METTL3: variants seen among roughly 807,000 people sequenced by gnomAD.
METTL3 encodes methyltransferase 3, N6-adenosine-methyltransferase complex catalytic subunit.
METTL3 carries 42 observed loss-of-function variants against 64.3 expected under a neutral mutation model. That is an observed-to-expected ratio of 0.65 (90% CI 0.51 to 0.84). METTL3 has a LOEUF of 0.84. Ranked by LOEUF, METTL3 falls within the 40% of genes least tolerant of loss-of-function variation. The pLI is 0.00. For synonymous variants in METTL3, 256 were observed against 263.6 expected, an observed-to-expected ratio of 0.97 and a Z score of 0.28; for missense variants, 435 against 722.3, an observed-to-expected ratio of 0.60 and a Z score of 4.56.
intron 1 of METTL3, 43 bp from the exon 2 acceptor site, chr14:21,503,924 T>C: frequency 1.3e-6 from 2 of 1,570,656 alleles, no homozygotes; most frequent in Non-Finnish European, 1.7e-6. Context: ...GCAACCACTG[T>C]TGGTCTATAT....
intron 4 of METTL3, chr14:21,501,503 AGAGG>A (rs1891566861): frequency 3.3e-6 from 2 of 599,972 alleles, no homozygotes; most frequent in Non-Finnish European, 2.9e-6. Flanking sequence ...TGCTATTCTA[AGAGG>A]GAGGGAGCTT....
At chr14:21,500,889 C>G (rs751843177) in intron 5 of METTL3, 24 bp downstream of exon 5, 2 of 1,601,928 alleles carry the variant, frequency 1.2e-6, no homozygotes, top group Middle Eastern at 1.7e-4. Flanking sequence ...TAAGTTGAGA[C>G]GAGTTTTCTG....
rs1156983871 is a variant in METTL3 at position 21,500,485 on chromosome 14, A to G, written c.1304+10T>C. On this transcript the variant is annotated intron_variant, in intron 6 of 10. Coordinates refer to ENST00000298717, the MANE Select transcript of METTL3 (RefSeq NM_019852.5). ...TATCTGTCCATACCTACGTAACTGAATTGCATTACCTGCCTGTGACCCAGA... is the reference window on the plus strand; with the variant it reads ...TATCTGTCCATACCTACGTAACTGAGTTGCATTACCTGCCTGTGACCCAGA... 16 of 1,614,018 alleles carry G rather than the reference A, an allele frequency of 9.9e-6. No individual in the cohort carries two copies. The highest frequency in any genetic ancestry group is 1.4e-5 in the Non-Finnish European group (16 of 1,179,884).
Position 21,503,266 on chromosome 14 carries a change from G to GGCT in METTL3, c.627_629dup (p.Ala210dup). ...AGGCAGCATGTTTCCTTGATTTCTT[G>GGCT]GCTGGCTCCTTTGCTGGTTCCGATG... On this transcript the variant is annotated inframe_insertion, in exon 3 of 11. Coordinates refer to ENST00000298717, the MANE Select transcript of METTL3 (RefSeq NM_019852.5). 6.2e-7 allele frequency: 1 copy of GGCT among 1,614,136 alleles called. No homozygotes were observed. The highest frequency in any genetic ancestry group is 1.1e-5 in the South Asian group (1 of 91,074).
chr14:21,503,561 G>C lies in METTL3; in HGVS notation c.335C>G (p.Thr112Ser). The C allele has an allele frequency of 1.2e-6, 2 of 1,612,860 alleles. No homozygotes were observed. Among genetic ancestry groups the C allele is most frequent in the Non-Finnish European group, 1.7e-6 (2 of 1,179,750 alleles). ...CAGGAGGCTTTCTACCCCATCTTGA[G>C]TGGCAGGAGCATCTGGCTAGAGAAC... is the stretch of plus-strand genomic sequence containing the variant. ...LAISTPDAPA[T>S]QDGVESLLQK... The change falls in exon 3 of 11, where the codon ACT (threonine) becomes AGT (serine). Residue 112 changes from threonine (T) to serine (S), a missense_variant. Physicochemically the swap from Thr to Ser is moderately conservative, Grantham distance 58. Coordinates refer to ENST00000298717, the MANE Select transcript of METTL3 (RefSeq NM_019852.5).
rs187413142 is a variant in METTL3 at position 21,504,286 on chromosome 14, G to T, written c.101-405C>A. 525 of 190,578 alleles carry T rather than the reference G, an allele frequency of 2.8e-3. 2 individuals carry two copies. The highest frequency in any genetic ancestry group is 4.6e-3 in the Non-Finnish European group (411 of 90,180). 11.8% of individuals were successfully genotyped at this position (190,578 alleles called of 1,614,324 possible). A position where few individuals can be genotyped will look rare whatever the true frequency, so the allele number is the denominator to read the frequency against. On this transcript the variant is annotated intron_variant, in intron 1 of 10. Transcript: ENST00000298717. ...TGAGGCATGTAGTGTGAATTTTAAT[G>T]AATTCAGGCCACTGATCAACAAAGT...
intron 4 of METTL3, 134 bp downstream of exon 4, chr14:21,501,594 C>T: frequency 9.2e-7 from 1 of 1,081,204 alleles, no homozygotes; most frequent in Non-Finnish European, 1.3e-6. Flanking sequence ...AGTACACCTT[C>T]AGGGTCTGGA....
chr14:21,503,618 G>A (rs755695945), intron 2 of METTL3, 41 bp from the exon 3 acceptor site: 14 of 1,613,376 alleles, frequency 8.7e-6, no homozygotes, highest in Middle Eastern at 1.6e-4. Flanking sequence ...GACACTGACC[G>A]TGAACTGAAA....
chr14:21,503,557 T>G lies in METTL3; in HGVS notation c.339A>C (p.Gln113His). The stretch of plus-strand genomic sequence containing the variant: ...TCTGCAGGAGGCTTTCTACCCCATC[T>G]TGAGTGGCAGGAGCATCTGGCTAGA... ...AISTPDAPATQDGVESLLQKF... is the reference protein window; with the variant it reads ...AISTPDAPATHDGVESLLQKF... The change falls in exon 3 of 11, where the codon CAA (glutamine) becomes CAC (histidine). Residue 113 changes from glutamine to histidine, a missense_variant. Physicochemically the swap from Gln to His is conservative, Grantham distance 24. This residue lies in a region of METTL3 where 228 missense variants were observed against 279.6 expected (regional missense o/e 0.82). Coordinates refer to ENST00000298717, the MANE Select transcript of METTL3 (RefSeq NM_019852.5). The G allele has an allele frequency of 6.2e-7, 1 of 1,612,872 alleles. No homozygotes were observed. The highest frequency in any genetic ancestry group is 8.5e-7 in the Non-Finnish European group (1 of 1,179,760).
chr14:21,498,549 C>T, intron 10 of METTL3, 180 bp from the exon 11 acceptor site: 1 of 633,906 alleles, frequency 1.6e-6, no homozygotes, highest in Non-Finnish European at 2.7e-6. Context: ...GGCATAGATT[C>T]TGGTGTTAAA....
rs931079388 is a variant in METTL3, at chr14:21,498,379, T to C, written c.1632-10A>G. Reference sequence around the variant, plus strand: ...GTTTCCAAGGGTGATCCTGAAACAGTGTAAAAGGAGGGGCAAACCAGAAAT... The same window carrying C: ...GTTTCCAAGGGTGATCCTGAAACAGCGTAAAAGGAGGGGCAAACCAGAAAT... On this transcript the variant is annotated splice_polypyrimidine_tract_variant and intron_variant, in intron 10 of 10. Transcript: ENST00000298717. The C allele has an allele frequency of 1.2e-6, 2 of 1,613,170 alleles. No individual in the cohort carries two copies. Among genetic ancestry groups the C allele is most frequent in the Admixed American group, 1.7e-5 (1 of 59,802 alleles).
chr14:21,508,687 G>T (rs1425269199), intron 1 of METTL3, among the ~76,000 whole-genome samples: 2 of 152,138 alleles, frequency 1.3e-5, no homozygotes, highest in African/African-American at 4.8e-5. Context: ...CAGAGGTTGG[G>T]AGTTTGAGAC....
intron 1 of METTL3, among the ~76,000 whole-genome samples, chr14:21,509,285 A>G (rs1053399849): frequency 2.0e-5 from 3 of 152,200 alleles, no homozygotes. Flanking sequence ...GGCAGCAGTG[A>G]GCCATGATCA....
At position 21,499,551 on chromosome 14, in the gene METTL3, G is replaced by A. The variant is rs752850121; in HGVS notation, c.1393C>T (p.Arg465Cys). ...CCTGTACGGCCTGTCCGAATGATGC[G>A]TTGCAGTTGATTTGTCTTCACCCAA... ...IIWVKTNQLQ[R>C]IIRTGRTGHW... The change falls in exon 8 of 11, where the codon CGC (arginine) becomes TGC (cysteine). Residue 465 changes from arginine (R) to cysteine (C), a missense_variant. Physicochemically the swap from Arg to Cys is radical, Grantham distance 180 (BLOSUM62 -3). This residue lies in a region of METTL3 where 36 missense variants were observed against 73.0 expected (regional missense o/e 0.49). Transcript: ENST00000298717. 6.8e-6 allele frequency: 11 copies of A among 1,614,180 alleles called. No homozygotes were observed. The highest frequency in any genetic ancestry group is 2.2e-5 in the East Asian group (1 of 44,894).
chr14:21,506,328 C>G (rs1013136198), intron 1 of METTL3, among the ~76,000 whole-genome samples: 5 of 151,530 alleles, frequency 3.3e-5, no homozygotes. Context: ...CAGAGGCGGG[C>G]AGATCACGAG....
intron 1 of METTL3, among the ~76,000 whole-genome samples, chr14:21,506,229 C>A (rs1594444018): frequency 6.6e-6 from 1 of 152,022 alleles, no homozygotes; most frequent in Non-Finnish European, 1.5e-5. Context: ...TCTAGCAATT[C>A]CACTTTTGGG....
chr14:21,509,412 T>C (rs1891776830), intron 1 of METTL3: 1 of 152,146 alleles, frequency 6.6e-6, no homozygotes, highest in Non-Finnish European at 1.5e-5. Context: ...AGGTCCCCTT[T>C]TGCAACTGCC....
At chr14:21,507,162 C>T (rs934060823) in intron 1 of METTL3, among the ~76,000 whole-genome samples, 9 of 151,580 alleles carry the variant, frequency 5.9e-5, no homozygotes, top group African/African-American at 2.2e-4. Context: ...GCCTGGGCAA[C>T]AAGAGCGAAA....
Position 21,499,070 on chromosome 14 carries a change from C to A in METTL3, c.1586G>T (p.Arg529Leu). 6.2e-7 allele frequency: 1 copy of A among 1,614,108 alleles called. No homozygotes were observed. The highest frequency in any genetic ancestry group is 8.5e-7 in the Non-Finnish European group (1 of 1,180,008). The change falls in exon 10 of 11, where the codon CGC (arginine) becomes CTC (leucine). Residue 529 changes from arginine (R) to leucine (L), a missense_variant. Arg to Leu is a moderately radical substitution (Grantham distance 102). Around this residue, in one of 9 missense-constraint regions of METTL3, gnomAD observed 38 missense variants for 102.3 expected, o/e 0.37. Transcript: ENST00000298717. ...GMIERLSPGT[R>L]KIELFGRPHN... ...TGGTCGTCCAAATAACTCAATCTTG[C>A]GAGTGCCAGGAGATAGTCTTTCAAT...
Sources: gnomAD v4.1 joint callset for allele counts (sites outside exome capture counted in the v4.1 genomes callset) on GRCh38, gnomAD v4.1.1 for gene constraint, gnomAD v4.1.1 regional missense constraint, MANE v1.5 for transcripts, NCBI Gene and HGNC (gene_info 2026-07-23, HGNC 2026-07-21) for gene names.